DGKK: variants seen among roughly 807,000 people sequenced by gnomAD.
The protein encoded by DGKK is 142 kDa diacylglycerol kinase.
In DGKK, 35 loss-of-function variants were observed where a neutral mutation model predicts 92.2. That is an observed-to-expected ratio of 0.38 (90% CI 0.29 to 0.50). The LOEUF (loss-of-function observed/expected upper bound fraction) is 0.50. DGKK is among the 20% of genes least tolerant of loss of function. The pLI, the probability that DGKK is intolerant of heterozygous loss-of-function variation, is 0.92. For synonymous variants in DGKK, 368 were observed against 360.6 expected, an observed-to-expected ratio of 1.02 and a Z score of -0.23; for missense variants, 910 against 992.2, an observed-to-expected ratio of 0.92 and a Z score of 1.11.
At chrX:50,424,600 A>G (rs1238489222) in intron 1 of DGKK, among the ~76,000 whole-genome samples, 1 of 111,765 alleles carries the variant, frequency 8.9e-6, no homozygotes, top group Non-Finnish European at 1.9e-5. Context: ...TGGCCCAAAA[A>G]CCACAGAGGA....
chrX:50,425,530 CACACACACACAT>C (rs1444350227), intron 1 of DGKK, among the ~76,000 whole-genome samples: 1 of 108,582 alleles, frequency 9.2e-6, no homozygotes, highest in Admixed American at 9.8e-5. Flanking sequence ...CCCAAATACA[CACACACACACAT>C]ACACACACAC....
In DGKK at chrX:50,443,813, G is replaced by A. The variant is rs530021668; in HGVS notation, c.646-19455C>T. ...ATCAAGATACTGAACTGTACCGTAG[G>A]CACAAAACTCTCTCCTGCTATCCTT... On this transcript the variant is annotated intron_variant, in intron 1 of 27. Transcript: ENST00000611977. Among the ~76,000 whole-genome samples the A allele has an allele frequency of 3.5e-4, 38 of 109,059 alleles. No homozygotes were observed. The South Asian group carries it at 0.014, about 42-fold the overall frequency. The allele number at this position is 109,059 out of a possible 115,157, so 94.7% of individuals were successfully genotyped here.
At chrX:50,405,088 G>A (rs1008897065) in intron 4 of DGKK, among the ~76,000 whole-genome samples, 14 of 111,737 alleles carry the variant, frequency 1.3e-4, no homozygotes, top group Non-Finnish European at 2.6e-4. Flanking sequence ...TTTGTGCTTG[G>A]CACTTTTCAA....
At chrX:50,415,067 C>T (rs782011923) in intron 4 of DGKK, among the ~76,000 whole-genome samples, 18 of 111,876 alleles carry the variant, frequency 1.6e-4, no homozygotes, top group African/African-American at 5.8e-4. Flanking sequence ...GGGTGGAAAC[C>T]AATGCCCAGC....
intron 8 of DGKK, among the ~76,000 whole-genome samples, chrX:50,394,222 G>T (rs1924777529): frequency 8.9e-6 from 1 of 111,873 alleles, no homozygotes; most frequent in African/African-American, 3.3e-5. Context: ...AAAGCATGTG[G>T]CTCACTCCTC....
In DGKK at chrX:50,443,339, A is replaced by T. The variant is rs146189464; in HGVS notation, c.646-18981T>A. 7.8e-3 allele frequency among the ~76,000 whole-genome samples: 866 copies of T among 111,438 alleles called. 9 individuals carry two copies. Among genetic ancestry groups the T allele is most frequent in the African/African-American group, 0.027 (841 of 30,715 alleles). On this transcript the variant is annotated intron_variant, in intron 1 of 27. Transcript: ENST00000611977. ...TGCCAGAGAACTAACATCTTTTACA[A>T]CAGATGCTGTACTTTTAAATATACT...
intron 25 of DGKK, 114 bp downstream of exon 25, chrX:50,374,857 G>A: frequency 3.4e-6 from 2 of 580,736 alleles, no homozygotes; most frequent in Non-Finnish European, 5.6e-6. Context: ...TTCCAGGCAA[G>A]CACCTGGCCA....
intron 4 of DGKK, among the ~76,000 whole-genome samples, chrX:50,412,831 T>C (rs1329627934): frequency 9.0e-6 from 1 of 111,621 alleles, no homozygotes; most frequent in Admixed American, 9.4e-5. Flanking sequence ...TAGACCCTTA[T>C]ATGAGGGGTC....
intron 1 of DGKK, among the ~76,000 whole-genome samples, chrX:50,431,532 G>A (rs1394483728): frequency 9.0e-6 from 1 of 111,127 alleles, no homozygotes; most frequent in Non-Finnish European, 1.9e-5. Flanking sequence ...ATCAAGTTGG[G>A]GGATGAGTAA....
intron 1 of DGKK, among the ~76,000 whole-genome samples, chrX:50,441,821 G>C (rs1047028925): frequency 2.0e-4 from 22 of 111,756 alleles, no homozygotes; most frequent in African/African-American, 6.2e-4. Context: ...GTTTTTAACA[G>C]AATGTGTGTG....
Position 50,384,817 on chromosome X carries a change from A to T in DGKK, c.2355T>A (p.Asp785Glu). Residue 785 changes from aspartate to glutamate, a missense_variant, in exon 16 of 28, where the codon GAT (aspartate) becomes GAA (glutamate). Transcript: ENST00000611977. Reference protein sequence around the residue: ...LIIFQVEQALDEESRQTISVK... With the variant: ...LIIFQVEQALEEESRQTISVK... ...CAGATATTGTCTGTCTGCTTTCCTC[A>T]TCCAGAGCTATAGAGAAAAGTGGGA... The T allele has an allele frequency of 8.3e-7, 1 of 1,201,743 alleles. No individual in the cohort carries two copies. Among genetic ancestry groups the T allele is most frequent in the Non-Finnish European group, 1.1e-6 (1 of 889,088 alleles).
At chrX:50,402,683 T>C (rs1925040259) in intron 7 of DGKK, among the ~76,000 whole-genome samples, 1 of 111,804 alleles carries the variant, frequency 8.9e-6, no homozygotes, top group East Asian at 2.8e-4. Flanking sequence ...GTTAATATTA[T>C]CAACCATTTT....
intron 1 of DGKK, among the ~76,000 whole-genome samples, chrX:50,436,764 A>G (rs1160883412): frequency 9.1e-6 from 1 of 110,483 alleles, no homozygotes; most frequent in Non-Finnish European, 1.9e-5. Context: ...GACTCAAAAA[A>G]GTGACTTGCC....
At chrX:50,452,394 A>G (rs1030238902) in intron 1 of DGKK, among the ~76,000 whole-genome samples, 3 of 112,347 alleles carry the variant, frequency 2.7e-5, no homozygotes, top group African/African-American at 9.7e-5. Context: ...TCTAGGCTCC[A>G]AAGCGGGGAA....
chrX:50,467,412 G>A (rs782427381), intron 1 of DGKK, among the ~76,000 whole-genome samples: 5 of 112,849 alleles, frequency 4.4e-5, no homozygotes, highest in Non-Finnish European at 7.5e-5. Flanking sequence ...AAAATTATCT[G>A]GGAGAAACTT....
intron 4 of DGKK, among the ~76,000 whole-genome samples, chrX:50,406,935 G>A (rs1463229929): frequency 8.9e-6 from 1 of 111,756 alleles, no homozygotes; most frequent in East Asian, 2.8e-4. Flanking sequence ...TGGGTAATGG[G>A]TAGACTAGAA....
rs1557223815 is a variant in DGKK, at chrX:50,376,129, A to G, written c.3309T>C (p.Ser1103=). The change falls in exon 24 of 28, where the codon TCT becomes TCC. Residue 1103 remains serine, a synonymous_variant. Transcript: ENST00000611977. ...TGGCATTCACAGAACCCATGAGGACAGACACATGCTGGTGGATCTTGCTCA... is the reference window on the plus strand; with the variant it reads ...TGGCATTCACAGAACCCATGAGGACGGACACATGCTGGTGGATCTTGCTCA... ...NDLSKIHQHV[S]VLMGSVNASA... The G allele has an allele frequency of 6.6e-6, 8 of 1,209,754 alleles. No individual in the cohort carries two copies. In the Admixed American group the frequency reaches 1.7e-4, roughly 26 times the overall value.
At chrX:50,415,169 A>G (rs1557228396) in intron 4 of DGKK, among the ~76,000 whole-genome samples, 1 of 111,664 alleles carries the variant, frequency 9.0e-6, no homozygotes, top group Non-Finnish European at 1.9e-5. Flanking sequence ...CACTGTAGAG[A>G]GCCACAGCAT....
At chrX:50,371,975 G>T (rs1482894515) in intron 25 of DGKK, 141 bp from the exon 26 acceptor site, 10 of 412,707 alleles carry the variant, frequency 2.4e-5, no homozygotes, top group African/African-American at 7.7e-5. Flanking sequence ...ATAGCCAGCT[G>T]TTTTCTTTCT....
Sources: gnomAD v4.1 joint callset for allele counts (sites outside exome capture counted in the v4.1 genomes callset) on GRCh38, gnomAD v4.1.1 for gene constraint, MANE v1.5 for transcripts, NCBI Gene and HGNC (gene_info 2026-07-23, HGNC 2026-07-21) for gene names.